The following ASH1L variants were observed in gnomAD, a reference collection of about 807,000 sequenced individuals.
ASH1L encodes histone-lysine N-methyltransferase ASH1L.
Under a neutral mutation model 269.0 loss-of-function variants are expected in ASH1L, and 23 were observed. That is an observed-to-expected ratio of 0.09 (90% CI 0.06 to 0.12). The LOEUF is 0.12. Ranked by LOEUF, ASH1L falls within the 10% of genes least tolerant of loss-of-function variation. ASH1L has a pLI of 1.00. For missense variants in ASH1L, 2,912 were observed against 3,567.8 expected (o/e 0.82, Z 4.68); for synonymous variants, 1,187 against 1,253.5 (o/e 0.95, Z 1.12).
intron 2 of ASH1L, among the ~76,000 whole-genome samples, chr1:155,513,710 C>T (rs1668321778): frequency 6.6e-6 from 1 of 151,956 alleles, no homozygotes; most frequent in Non-Finnish European, 1.5e-5. Context: ...AAAGCAGGGA[C>T]TCAGATATTT....
rs1266064545 is a variant in ASH1L, at chr1:155,471,088, G to GA, written c.4984+6797dup. Among the ~76,000 whole-genome samples the GA allele has an allele frequency of 3.3e-5, 5 of 152,028 alleles. No homozygotes were observed. The East Asian group carries it at 5.8e-4, about 18-fold the overall frequency. ...ACTAAACCTATTCTCACATCTACCTGAAAAAAGTATATTAAGTTTCTATTA... is the reference window on the plus strand; with the variant it reads ...ACTAAACCTATTCTCACATCTACCTGAAAAAAAGTATATTAAGTTTCTATTA... On this transcript the variant is annotated intron_variant, in intron 3 of 27. Transcript: ENST00000392403.
In ASH1L at chr1:155,398,554, G is replaced by A. The variant is rs116577158; in HGVS notation, c.6009-3001C>T. ...TAGTATAGAGTACTTACCATGAATG[G>A]ACCTTGCAGGACTGGAAGTTGCTCT... On this transcript the variant is annotated intron_variant, in intron 6 of 27. Transcript: ENST00000392403. Among the ~76,000 whole-genome samples, 932 of 152,228 alleles carry A rather than the reference G, an allele frequency of 6.1e-3. 10 individuals carry two copies. The highest frequency in any genetic ancestry group is 0.022 in the African/African-American group (907 of 41,518).
At chr1:155,450,956 G>C (rs1156730375) in intron 4 of ASH1L, among the ~76,000 whole-genome samples, 2 of 152,180 alleles carry the variant, frequency 1.3e-5, no homozygotes, top group Non-Finnish European at 2.9e-5. Context: ...CCAGCACTTT[G>C]GGAGGCTAAG....
intron 3 of ASH1L, among the ~76,000 whole-genome samples, chr1:155,466,749 T>C (rs1355583418): frequency 6.6e-6 from 1 of 152,154 alleles, no homozygotes. Context: ...AAAAACACAA[T>C]ATTGTGCTGT....
intron 2 of ASH1L, among the ~76,000 whole-genome samples, chr1:155,513,150 C>G (rs1668278479): frequency 6.6e-6 from 1 of 152,010 alleles, no homozygotes; most frequent in African/African-American, 2.4e-5. Flanking sequence ...TTTAAAAATA[C>G]AGAATAACTG....
At chr1:155,532,981 A>AGT (rs1352261796) in intron 1 of ASH1L, among the ~76,000 whole-genome samples, 7 of 146,510 alleles carry the variant, frequency 4.8e-5, no homozygotes, top group African/African-American at 1.8e-4. Context: ...AGAGAGAGAG[A>AGT]GAGTGTGTGT....
At chr1:155,390,880 A>G (rs1200088925) in intron 7 of ASH1L, among the ~76,000 whole-genome samples, 1 of 149,424 alleles carries the variant, frequency 6.7e-6, no homozygotes, top group Non-Finnish European at 1.5e-5. Flanking sequence ...CGATCTCCTG[A>G]CCTCATGATC....
intron 14 of ASH1L, 25 bp from the exon 15 acceptor site, chr1:155,357,435 G>A: frequency 6.2e-7 from 1 of 1,601,728 alleles, no homozygotes; most frequent in Non-Finnish European, 8.5e-7. Context: ...GATCAGATTA[G>A]AGATTTAAAA....
chr1:155,478,195 G>C lies in ASH1L; in HGVS notation c.4675C>G (p.Arg1559Gly). 1.2e-6 allele frequency: 2 copies of C among 1,614,096 alleles called. No homozygotes were observed. Among genetic ancestry groups the C allele is most frequent in the Admixed American group, 1.7e-5 (1 of 59,998 alleles). ...AATGGACTAGATTCTGAAGGCTCTC[G>C]GTGGACCCACTGTTCCTCTCTGTTT... ...LINREEQWVH[R>G]EPSESSPLAL... Residue 1559 changes from arginine (R) to glycine (G), a missense_variant, in exon 3 of 28, where the codon CGA becomes GGA. Arg to Gly is a moderately radical substitution (Grantham distance 125, BLOSUM62 -2). Around this residue, in one of 13 missense-constraint regions of ASH1L, gnomAD observed 789 missense variants for 897.6 expected, o/e 0.88. Coordinates refer to ENST00000392403, the MANE Select transcript of ASH1L (RefSeq NM_018489.3). This position sits in a 1 kb window ranked among gnomAD's most constrained non-coding sequence, Gnocchi z 4.6.
intron 5 of ASH1L, among the ~76,000 whole-genome samples, chr1:155,419,243 T>A (rs368355519): frequency 2.0e-5 from 3 of 151,504 alleles, no homozygotes; most frequent in African/African-American, 4.8e-5. Flanking sequence ...CTTAAAAAAA[T>A]AATAATAATA....
At chr1:155,542,505 C>T (rs916294445) in intron 1 of ASH1L, among the ~76,000 whole-genome samples, 6 of 150,710 alleles carry the variant, frequency 4.0e-5, no homozygotes, top group Non-Finnish European at 5.9e-5. Context: ...GCCCAGGTTG[C>T]GCCACTGCAC....
intron 10 of ASH1L, among the ~76,000 whole-genome samples, chr1:155,374,274 G>A (rs925341083): frequency 1.3e-5 from 2 of 152,008 alleles, no homozygotes; most frequent in Non-Finnish European, 2.9e-5. Flanking sequence ...GCAGTGAGCC[G>A]AGATGGTGCC....
At chr1:155,379,698 A>AT (rs528911910) in intron 8 of ASH1L, among the ~76,000 whole-genome samples, 1 of 152,176 alleles carries the variant, frequency 6.6e-6, no homozygotes, top group South Asian at 2.1e-4. Context: ...ATAAAGTCTG[A>AT]AATTTCTTAG....
chr1:155,450,992 G>T (rs192853586), intron 4 of ASH1L, among the ~76,000 whole-genome samples: 1 of 152,178 alleles, frequency 6.6e-6, no homozygotes, highest in East Asian at 1.9e-4. Flanking sequence ...GAGGTCAGGA[G>T]TCTGAGACCA....
At chr1:155,476,970 G>T (rs1018058597) in intron 3 of ASH1L, among the ~76,000 whole-genome samples, 8 of 152,062 alleles carry the variant, frequency 5.3e-5, no homozygotes, top group African/African-American at 1.9e-4. Context: ...GAGGTTTAGA[G>T]AATATACTGA....
intron 2 of ASH1L, among the ~76,000 whole-genome samples, chr1:155,484,947 AAAC>A (rs1666222116): frequency 7.0e-6 from 1 of 142,208 alleles, no homozygotes; most frequent in African/African-American, 2.8e-5. Context: ...AAAAAAACAA[AAAC>A]AAAAACAAAA....
At chr1:155,552,362 A>G (rs1249106387) in intron 1 of ASH1L, among the ~76,000 whole-genome samples, 2 of 152,176 alleles carry the variant, frequency 1.3e-5, no homozygotes, top group Admixed American at 6.5e-5. Flanking sequence ...GCTACTCGGG[A>G]GGCTGAGGCA....
At chr1:155,453,216 G>A (rs1158728889) in intron 4 of ASH1L, among the ~76,000 whole-genome samples, 2 of 152,052 alleles carry the variant, frequency 1.3e-5, no homozygotes, top group South Asian at 2.1e-4. Context: ...TTAGCCAGGC[G>A]TGGTAGCACA....
chr1:155,372,979 G>A (rs1656099481), intron 10 of ASH1L, among the ~76,000 whole-genome samples: 1 of 152,046 alleles, frequency 6.6e-6, no homozygotes, highest in Admixed American at 6.6e-5. Context: ...TTAGGGGGCA[G>A]AGGCAGGAGG....
Sources: allele counts gnomAD v4.1 joint callset (sites outside exome capture counted in the v4.1 genomes callset), GRCh38; gene constraint gnomAD v4.1.1; regional missense constraint gnomAD v4.1.1; non-coding constraint Gnocchi (gnomAD v3.1); transcripts MANE v1.5; gene names NCBI Gene and HGNC (gene_info 2026-07-23, HGNC 2026-07-21).